Variants in TTC29 observed in about 807,000 individuals in gnomAD.
TTC29 encodes tetratricopeptide repeat domain 29.
Under a neutral mutation model 58.1 loss-of-function variants are expected in TTC29, and 49 were observed. The observed-to-expected ratio is 0.84, with a 90% CI of 0.67 to 1.07. TTC29 has a LOEUF of 1.07. Among genes scored for constraint, TTC29 ranks in the 50% least tolerant of loss-of-function variants. TTC29 has a pLI of 0.00. For missense variants in TTC29, 582 were observed against 555.6 expected, an observed-to-expected ratio of 1.05 and a Z score of -0.48; for synonymous variants, 209 against 196.8, an observed-to-expected ratio of 1.06 and a Z score of -0.52.
In TTC29 at chr4:146,785,280, C is replaced by T. The variant is rs151183749; in HGVS notation, c.1330+18177G>A. Among the ~76,000 whole-genome samples the T allele has an allele frequency of 2.6e-3, 394 of 150,214 alleles. 3 individuals are homozygous for T. Among genetic ancestry groups the T allele is most frequent in the Non-Finnish European group, 4.9e-3 (333 of 67,836 alleles). On this transcript the variant is annotated intron_variant, in intron 11 of 12. Transcript: ENST00000325106. ...TGATCCCAGATCACCATAATCTCTG[C>T]CTCCCAAGTTCAAGCGATTCTTCTG... is the stretch of plus-strand genomic sequence containing the variant.
intron 11 of TTC29, among the ~76,000 whole-genome samples, chr4:146,710,731 G>A (rs1030730804): frequency 3.3e-5 from 5 of 152,026 alleles, no homozygotes; most frequent in Middle Eastern, 3.2e-3. Context: ...TGTGATATTT[G>A]CTTATACGAT....
chr4:146,841,833 GC>G (rs1728869631), intron 8 of TTC29, among the ~76,000 whole-genome samples: 1 of 151,998 alleles, frequency 6.6e-6, no homozygotes, highest in African/African-American at 2.4e-5. Context: ...ATCTCTCTGG[GC>G]CTGTTTCCTC....
At chr4:146,746,325 A>G (rs1745544093) in intron 11 of TTC29, among the ~76,000 whole-genome samples, 1 of 152,020 alleles carries the variant, frequency 6.6e-6, no homozygotes, top group African/African-American at 2.4e-5. Context: ...AGTATGCTCA[A>G]CAAAGAATAG....
chr4:146,711,626 C>T (rs932454122), intron 11 of TTC29, among the ~76,000 whole-genome samples: 3 of 152,120 alleles, frequency 2.0e-5, no homozygotes, highest in African/African-American at 7.2e-5. Context: ...AACTATGCTC[C>T]TATCTTATAG....
intron 7 of TTC29, among the ~76,000 whole-genome samples, chr4:146,867,898 C>T (rs895236671): frequency 6.6e-6 from 1 of 151,788 alleles, no homozygotes; most frequent in African/African-American, 2.4e-5. Flanking sequence ...AAACACAGCC[C>T]AATATTATCA....
chr4:146,786,627 T>G (rs1185947154), intron 11 of TTC29, among the ~76,000 whole-genome samples: 1 of 152,188 alleles, frequency 6.6e-6, no homozygotes, highest in Non-Finnish European at 1.5e-5. Context: ...CCTAGTTATT[T>G]TTACATAGTT....
intron 11 of TTC29, among the ~76,000 whole-genome samples, chr4:146,739,458 G>A (rs1023297548): frequency 1.4e-4 from 22 of 151,984 alleles, no homozygotes; most frequent in Admixed American, 7.2e-4. Context: ...CTGGTTATTT[G>A]TATGCATGAT....
chr4:146,708,338 A>ATG lies in TTC29; in HGVS notation c.1331-788_1331-787insCA, dbSNP rs1561046940. ...TATATATATATATATATATATATATATATATATATATATATATACACATGT... is the reference window on the plus strand; with the variant it reads ...TATATATATATATATATATATATATATGTATATATATATATATATACACATGT... On this transcript the variant is annotated intron_variant, in intron 11 of 12. Transcript: ENST00000325106. Among the ~76,000 whole-genome samples, 9 of 55,766 alleles carry ATG rather than the reference A, an allele frequency of 1.6e-4. No homozygotes were observed. The East Asian group carries it at 6.2e-3, about 39-fold the overall frequency. The allele number at this position is 55,766 out of a possible 152,430, so 36.6% of individuals were successfully genotyped here.
intron 4 of TTC29, among the ~76,000 whole-genome samples, chr4:146,928,062 CA>C (rs1735058582): frequency 6.6e-6 from 1 of 152,070 alleles, no homozygotes; most frequent in South Asian, 2.1e-4. Flanking sequence ...TTATCTAATA[CA>C]GTCGAGCCAT....
At chr4:146,806,486 C>G (rs112160475) in intron 10 of TTC29, among the ~76,000 whole-genome samples, 1 of 152,240 alleles carries the variant, frequency 6.6e-6, no homozygotes, top group African/African-American at 2.4e-5. Flanking sequence ...TTCAGGAGAC[C>G]CATCTCATGT....
chr4:146,876,396 TAAC>T (rs888912861), intron 6 of TTC29, among the ~76,000 whole-genome samples: 7 of 152,292 alleles, frequency 4.6e-5, no homozygotes, highest in Middle Eastern at 3.4e-3. Flanking sequence ...CCTATAATAA[TAAC>T]ATCATGACAT....
chr4:146,893,614 C>T (rs974279851), intron 6 of TTC29, among the ~76,000 whole-genome samples: 32 of 152,174 alleles, frequency 2.1e-4, no homozygotes, highest in Non-Finnish European at 4.3e-4. Context: ...ATTCAGGACA[C>T]AGGCATGGGC....
At chr4:146,897,438 A>G (rs1732841842) in intron 6 of TTC29, among the ~76,000 whole-genome samples, 1 of 152,080 alleles carries the variant, frequency 6.6e-6, no homozygotes, top group African/African-American at 2.4e-5. Context: ...TCCCCAAACT[A>G]TGATTGCCCA....
At chr4:146,777,323 C>T (rs889151437) in intron 11 of TTC29, among the ~76,000 whole-genome samples, 5 of 152,066 alleles carry the variant, frequency 3.3e-5, no homozygotes, top group African/African-American at 4.8e-5. Context: ...TTGCCTTTGC[C>T]AACTCATCTG....
At chr4:146,816,619 G>C (rs1257551118) in intron 10 of TTC29, among the ~76,000 whole-genome samples, 1 of 152,026 alleles carries the variant, frequency 6.6e-6, no homozygotes, top group Non-Finnish European at 1.5e-5. Flanking sequence ...AGCAAGATGG[G>C]TAAGGGAGGC....
intron 11 of TTC29, among the ~76,000 whole-genome samples, chr4:146,712,031 A>G (rs1742532807): frequency 6.6e-6 from 1 of 151,844 alleles, no homozygotes; most frequent in African/African-American, 2.4e-5. Flanking sequence ...AAATAAATAC[A>G]TAAATAAATA....
At chr4:146,906,152 T>C (rs1032563045) in intron 5 of TTC29, among the ~76,000 whole-genome samples, 18 of 151,700 alleles carry the variant, frequency 1.2e-4, no homozygotes, top group Admixed American at 5.2e-4. Context: ...TTCATGACAA[T>C]GGATAATATT....
chr4:146,828,570 T>C (rs1561165973), intron 9 of TTC29, among the ~76,000 whole-genome samples: 2 of 152,084 alleles, frequency 1.3e-5, no homozygotes, highest in Non-Finnish European at 2.9e-5. Flanking sequence ...TTGAAGAAAG[T>C]ACATTTTGAA....
chr4:146,900,692 G>A (rs1462120086), intron 6 of TTC29, among the ~76,000 whole-genome samples: 1 of 152,164 alleles, frequency 6.6e-6, no homozygotes, highest in African/African-American at 2.4e-5. Flanking sequence ...AGAATGAGAG[G>A]GGAATGGGGA....
Sources: gnomAD v4.1 joint callset for allele counts (sites outside exome capture counted in the v4.1 genomes callset) on GRCh38, gnomAD v4.1.1 for gene constraint, MANE v1.5 for transcripts, NCBI Gene and HGNC (gene_info 2026-07-23, HGNC 2026-07-21) for gene names.